The following ARHGAP24 variants were observed in gnomAD, a reference collection of about 807,000 sequenced individuals.
ARHGAP24 encodes the protein rho GTPase-activating protein 24.
Under a neutral mutation model 76.4 loss-of-function variants are expected in ARHGAP24, and 50 were observed. The ratio of observed to expected loss-of-function variants is 0.65; its 90% CI spans 0.52 to 0.83. The LOEUF (loss-of-function observed/expected upper bound fraction) is 0.83. Ranked by LOEUF, ARHGAP24 falls within the 40% of genes least tolerant of loss-of-function variation. ARHGAP24 has a pLI of 0.00. For synonymous variants in ARHGAP24, 345 were observed against 323.3 expected (o/e 1.07, Z -0.72); for missense variants, 930 against 914.2 (o/e 1.02, Z -0.22).
intron 1 of ARHGAP24, among the ~76,000 whole-genome samples, chr4:85,515,317 A>T (rs1281476921): frequency 6.6e-6 from 1 of 151,708 alleles, no homozygotes; most frequent in Non-Finnish European, 1.5e-5. Flanking sequence ...TATGCAAAGA[A>T]GTCTCCCTTC....
At chr4:85,848,414 A>T (rs1192387524) in intron 3 of ARHGAP24, among the ~76,000 whole-genome samples, 1 of 152,078 alleles carries the variant, frequency 6.6e-6, no homozygotes, top group Non-Finnish European at 1.5e-5. Context: ...ATTCCCACCT[A>T]TGAGTGAGAA....
At chr4:85,551,728 C>A (rs951636708) in intron 1 of ARHGAP24, among the ~76,000 whole-genome samples, 1 of 152,082 alleles carries the variant, frequency 6.6e-6, no homozygotes, top group Non-Finnish European at 1.5e-5. Context: ...TTCAGGGATT[C>A]AGTTTCTTCC....
intron 8 of ARHGAP24, among the ~76,000 whole-genome samples, chr4:85,989,101 A>C (rs192018794): frequency 2.0e-5 from 3 of 151,706 alleles, no homozygotes; most frequent in Non-Finnish European, 3.0e-5. Flanking sequence ...AACCAGTGAA[A>C]CCAAGAGCTG....
chr4:85,682,841 G>A (rs1257899979), intron 2 of ARHGAP24, among the ~76,000 whole-genome samples: 1 of 152,076 alleles, frequency 6.6e-6, no homozygotes, highest in Non-Finnish European at 1.5e-5. Flanking sequence ...TGGAGAAGTA[G>A]AATTATTCCT....
intron 8 of ARHGAP24, among the ~76,000 whole-genome samples, chr4:85,988,397 G>A (rs999581418): frequency 6.6e-6 from 1 of 151,542 alleles, no homozygotes; most frequent in African/African-American, 2.4e-5. Flanking sequence ...GTATGACAAC[G>A]ACAGAATAAA....
Position 85,847,193 on chromosome 4 carries a change from G to A in ARHGAP24, c.269-76455G>A, listed in dbSNP as rs981013550. Among the ~76,000 whole-genome samples the A allele has an allele frequency of 2.0e-5, 3 of 152,086 alleles. No homozygotes were observed. In the East Asian group the frequency reaches 5.8e-4, roughly 29 times the overall value. ...ATGATCTGCAATGAATTTCTAATAA[G>A]AAGGTTTAAAGTGTCACTTGGTTTT... is the stretch of plus-strand genomic sequence containing the variant. On this transcript the variant is annotated intron_variant, in intron 3 of 9. Coordinates refer to ENST00000395184, the MANE Select transcript of ARHGAP24 (RefSeq NM_001025616.3).
At chr4:85,662,086 C>A (rs574296669) in intron 2 of ARHGAP24, among the ~76,000 whole-genome samples, 1 of 152,190 alleles carries the variant, frequency 6.6e-6, no homozygotes, top group Admixed American at 6.5e-5. Context: ...CCTGAGGAAT[C>A]GCCACACTGA....
intron 2 of ARHGAP24, among the ~76,000 whole-genome samples, chr4:85,680,874 A>G (rs1723179247): frequency 6.6e-6 from 1 of 151,590 alleles, no homozygotes; most frequent in Non-Finnish European, 1.5e-5. Flanking sequence ...CTGAAGCTTA[A>G]CAGTCCCCTC....
intron 1 of ARHGAP24, among the ~76,000 whole-genome samples, chr4:85,524,548 G>T (rs1033026456): frequency 1.3e-5 from 2 of 152,144 alleles, no homozygotes; most frequent in Non-Finnish European, 1.5e-5. Context: ...GATTGATGAG[G>T]TTATTCCTAT....
intron 3 of ARHGAP24, among the ~76,000 whole-genome samples, chr4:85,829,585 G>C (rs952354855): frequency 1.3e-5 from 2 of 152,188 alleles, no homozygotes; most frequent in African/African-American, 4.8e-5. Flanking sequence ...TGTGGAACTT[G>C]AGGTGTACAA....
At chr4:85,711,472 T>C (rs779041579) in intron 2 of ARHGAP24, among the ~76,000 whole-genome samples, 16 of 152,200 alleles carry the variant, frequency 1.1e-4, no homozygotes, top group South Asian at 4.1e-4. Context: ...AATCTATGAA[T>C]AGATAAAATA....
At chr4:85,630,552 G>C (rs1231315919) in intron 2 of ARHGAP24, among the ~76,000 whole-genome samples, 1 of 152,116 alleles carries the variant, frequency 6.6e-6, no homozygotes, top group Non-Finnish European at 1.5e-5. Context: ...CCAACTGTTG[G>C]GGTCTGTGAA....
chr4:85,886,848 CAAGG>C (rs1733594527), intron 3 of ARHGAP24, among the ~76,000 whole-genome samples: 1 of 152,042 alleles, frequency 6.6e-6, no homozygotes, highest in Non-Finnish European at 1.5e-5. Flanking sequence ...AATGTTTAAA[CAAGG>C]ATGACTCACA....
At chr4:85,826,300 C>T (rs566756822) in intron 3 of ARHGAP24, among the ~76,000 whole-genome samples, 1 of 152,312 alleles carries the variant, frequency 6.6e-6, no homozygotes, top group African/African-American at 2.4e-5. Flanking sequence ...CCTTCTCCAT[C>T]CCCCTCAAAC....
intron 3 of ARHGAP24, among the ~76,000 whole-genome samples, chr4:85,763,692 T>C (rs1200419659): frequency 6.6e-6 from 1 of 152,214 alleles, no homozygotes; most frequent in Admixed American, 6.5e-5. Context: ...AAAATATTAC[T>C]AGTAATTCAT....
rs1351188620 is a variant in ARHGAP24 at position 85,995,231 on chromosome 4, A to G, written c.1577A>G (p.His526Arg). The change falls in exon 9 of 10, where the codon CAC (histidine) becomes CGC (arginine). Residue 526 changes from histidine (H) to arginine (R), a missense_variant. Transcript: ENST00000395184. ...QKEQAGELGQ[H>R]NRLSTYDNVH... ...GAACAAGCTGGAGAGTTAGGCCAGC[A>G]CAACAGACTGTCCACCTATGATAAT... The G allele has an allele frequency of 4.3e-6, 7 of 1,614,072 alleles. No homozygotes were observed. The highest frequency in any genetic ancestry group is 5.9e-6 in the Non-Finnish European group (7 of 1,180,030).
At chr4:85,828,021 G>A in intron 3 of ARHGAP24, 1 of 1,255,406 alleles carries the variant, frequency 8.0e-7, no homozygotes, top group Non-Finnish European at 1.0e-6. Context: ...AAATTGCCAG[G>A]TATTGTTGTT....
At chr4:85,856,310 A>G (rs983576063) in intron 3 of ARHGAP24, among the ~76,000 whole-genome samples, 1 of 152,152 alleles carries the variant, frequency 6.6e-6, no homozygotes, top group Non-Finnish European at 1.5e-5. Flanking sequence ...GGTAAAAAAA[A>G]ATTATGTATA....
At chr4:85,683,689 A>T (rs1723315203) in intron 2 of ARHGAP24, among the ~76,000 whole-genome samples, 2 of 152,122 alleles carry the variant, frequency 1.3e-5, no homozygotes, top group Non-Finnish European at 2.9e-5. Context: ...TGTACAGCAG[A>T]TCTCTAGAGC....
Sources: gnomAD v4.1 joint callset for allele counts (sites outside exome capture counted in the v4.1 genomes callset) on GRCh38, gnomAD v4.1.1 for gene constraint, MANE v1.5 for transcripts, NCBI Gene and HGNC (gene_info 2026-07-23, HGNC 2026-07-21) for gene names.